SOX5: variants seen among roughly 807,000 people sequenced by gnomAD.
The protein encoded by SOX5 is SRY-box transcription factor 5, also known as transcription factor SOX-5.
SOX5 carries 9 observed loss-of-function variants against 92.0 expected under a neutral mutation model. The observed-to-expected ratio is 0.10, with a 90% CI of 0.06 to 0.17. SOX5 has a LOEUF of 0.17. Ranked by LOEUF, SOX5 falls within the 10% of genes least tolerant of loss-of-function variation. The pLI is 1.00. For missense variants in SOX5, 642 were observed against 944.5 expected, an observed-to-expected ratio of 0.68 and a Z score of 4.20; for synonymous variants, 344 against 336.3, an observed-to-expected ratio of 1.02 and a Z score of -0.25.
chr12:23,583,811 C>T (rs1950364424), intron 9 of SOX5, among the ~76,000 whole-genome samples: 1 of 152,052 alleles, frequency 6.6e-6, no homozygotes, highest in Admixed American at 6.6e-5. Context: ...TTGACACCAC[C>T]TGATAAGTCC....
At chr12:24,049,949 G>A (rs1038417382) in intron 4 of SOX5, among the ~76,000 whole-genome samples, 1 of 151,886 alleles carries the variant, frequency 6.6e-6, no homozygotes, top group Non-Finnish European at 1.5e-5. Context: ...CAGGACTCTT[G>A]TTTTTCTACT....
At chr12:23,671,548 T>A (rs2084783330) in intron 6 of SOX5, among the ~76,000 whole-genome samples, 1 of 152,160 alleles carries the variant, frequency 6.6e-6, no homozygotes, top group African/African-American at 2.4e-5. Flanking sequence ...GATAACAAAG[T>A]AACTTTCCAC....
chr12:24,531,204 A>G (rs1220007932), intron 1 of SOX5, among the ~76,000 whole-genome samples: 1 of 152,158 alleles, frequency 6.6e-6, no homozygotes, highest in Non-Finnish European at 1.5e-5. Context: ...GGCATTTCTG[A>G]CCAACATTAA....
intron 4 of SOX5, among the ~76,000 whole-genome samples, chr12:24,008,596 A>G (rs1167331653): frequency 6.6e-6 from 1 of 152,134 alleles, no homozygotes; most frequent in Non-Finnish European, 1.5e-5. Context: ...AGGTATTATG[A>G]CCTCTATTTT....
chr12:24,364,896 GTT>G (rs1296662824), intron 2 of SOX5, among the ~76,000 whole-genome samples: 2 of 152,016 alleles, frequency 1.3e-5, no homozygotes, highest in Admixed American at 1.3e-4. Flanking sequence ...TGGGGAAAGA[GTT>G]TATTTTCTAA....
At chr12:23,792,757 G>C (rs375842047) in intron 3 of SOX5, among the ~76,000 whole-genome samples, 6 of 149,158 alleles carry the variant, frequency 4.0e-5, no homozygotes, top group African/African-American at 1.5e-4. Context: ...GATTTAAACT[G>C]CTTTGACCTC....
At chr12:23,939,829 A>C (rs1403394022) in intron 1 of SOX5, among the ~76,000 whole-genome samples, 1 of 151,048 alleles carries the variant, frequency 6.6e-6, no homozygotes, top group Non-Finnish European at 1.5e-5. Context: ...GAAATTGCCA[A>C]CTAGCAACTA....
intron 2 of SOX5, among the ~76,000 whole-genome samples, chr12:24,283,641 A>G (rs1945481210): frequency 6.6e-6 from 1 of 152,226 alleles, no homozygotes; most frequent in African/African-American, 2.4e-5. Flanking sequence ...ATAAAGATGC[A>G]TTCCAACACG....
At chr12:24,234,104 T>C (rs79134701) in intron 3 of SOX5, among the ~76,000 whole-genome samples, 2,031 of 152,278 alleles carry the variant, frequency 0.013, 55 homozygotes, top group African/African-American at 0.047. Context: ...CCTACTGTTC[T>C]ATAATGTGTG....
At chr12:24,068,637 A>C (rs1241080831) in intron 4 of SOX5, among the ~76,000 whole-genome samples, 1 of 148,466 alleles carries the variant, frequency 6.7e-6, no homozygotes, top group East Asian at 2.0e-4. Flanking sequence ...CCTCAGCAAA[A>C]CAACTCTTAA....
chr12:23,990,745 TTTC>T lies in SOX5; in HGVS notation c.-1-94724_-1-94722del, dbSNP rs148588146. ...TTCTTGAGGGAACAGACATTGTCTA[TTTC>T]TTTAGGCATTTAAGCTCAACACTGT... On this transcript the variant is annotated intron_variant, in intron 4 of 4. Transcript: ENST00000446891. Among the ~76,000 whole-genome samples, 82 of 152,236 alleles carry T rather than the reference TTTC, an allele frequency of 5.4e-4. No homozygotes were observed. In the East Asian group the frequency reaches 0.014, roughly 27 times the overall value.
chr12:24,303,117 C>T (rs1291191627), intron 2 of SOX5, among the ~76,000 whole-genome samples: 2 of 152,096 alleles, frequency 1.3e-5, no homozygotes, highest in African/African-American at 4.8e-5. Context: ...CAACAAGAAA[C>T]TTTCAGCACA....
intron 4 of SOX5, among the ~76,000 whole-genome samples, chr12:24,036,994 TA>T (rs1257295634): frequency 1.3e-5 from 2 of 151,966 alleles, no homozygotes; most frequent in Non-Finnish European, 2.9e-5. Flanking sequence ...GTAAAGGCAA[TA>T]AAAAAGTCAC....
intron 5 of SOX5, among the ~76,000 whole-genome samples, chr12:23,737,463 C>A (rs1414049962): frequency 1.3e-5 from 2 of 152,146 alleles, no homozygotes; most frequent in Non-Finnish European, 2.9e-5. Context: ...TCTCTTGAAT[C>A]TGGGAGGTGG....
intron 6 of SOX5, among the ~76,000 whole-genome samples, chr12:23,677,012 C>T (rs2085816150): frequency 6.6e-6 from 1 of 152,198 alleles, no homozygotes; most frequent in Non-Finnish European, 1.5e-5. Context: ...AAGATATTCA[C>T]TATTATAAAA....
intron 1 of SOX5, among the ~76,000 whole-genome samples, chr12:24,391,490 G>C (rs1345439034): frequency 1.3e-5 from 2 of 152,102 alleles, no homozygotes; most frequent in Non-Finnish European, 2.9e-5. Context: ...ATAACCCAAT[G>C]AATAAAAACG....
intron 2 of SOX5, among the ~76,000 whole-genome samples, chr12:24,358,708 A>T (rs1170777627): frequency 6.6e-6 from 1 of 152,226 alleles, no homozygotes; most frequent in African/African-American, 2.4e-5. Context: ...TTACTACAGC[A>T]AGGATTACAA....
intron 1 of SOX5, among the ~76,000 whole-genome samples, chr12:23,897,128 G>A (rs1163729219): frequency 6.6e-6 from 1 of 152,068 alleles, no homozygotes; most frequent in African/African-American, 2.4e-5. Context: ...AACAAACAAA[G>A]AGTGTTTACA....
chr12:23,838,292 T>A (rs915804713), intron 3 of SOX5, among the ~76,000 whole-genome samples: 1 of 150,686 alleles, frequency 6.6e-6, no homozygotes, highest in African/African-American at 2.4e-5. Context: ...GCTTTGTTAC[T>A]GTTTTTTTTG....
Sources: gnomAD v4.1 joint callset for allele counts (sites outside exome capture counted in the v4.1 genomes callset) on GRCh38, gnomAD v4.1.1 for gene constraint, MANE v1.5 for transcripts, NCBI Gene and HGNC (gene_info 2026-07-23, HGNC 2026-07-21) for gene names.